The following NIBAN3 variants were observed in gnomAD, a reference collection of about 807,000 sequenced individuals.
NIBAN3 encodes protein Niban 3.
NIBAN3 carries 66 observed loss-of-function variants against 76.4 expected under a neutral mutation model. The ratio of observed to expected loss-of-function variants is 0.86; its 90% CI spans 0.71 to 1.06. NIBAN3 has a LOEUF of 1.06. NIBAN3 is among the 50% of genes least tolerant of loss of function. NIBAN3 has a pLI of 0.00. For missense variants in NIBAN3, 808 were observed against 810.7 expected (o/e 1.00, Z 0.04); for synonymous variants, 360 against 355.2 (o/e 1.01, Z -0.15).
At chr19:17,549,944 G>A in intron 14 of NIBAN3, 1 of 353,192 alleles carries the variant, frequency 2.8e-6, no homozygotes, top group Non-Finnish European at 5.1e-6. Flanking sequence ...AGCCTCCCGA[G>A]TAGCTGGGAC....
chr19:17,539,395 C>G lies in NIBAN3; in HGVS notation c.760C>G (p.Gln254Glu). The G allele has an allele frequency of 1.3e-6, 2 of 1,538,968 alleles. No homozygotes were observed. The highest frequency in any genetic ancestry group is 2.0e-5 in the Admixed American group (1 of 50,536). ...MREQLPALRA[Q>E]TLPGLRGAGR... Reference sequence around the variant, plus strand: ...GGAGCAACTTCCCGCGCTGCGAGCCCAGACCCTTCCTGGCCTGCGGGGGGC... The same window carrying G: ...GGAGCAACTTCCCGCGCTGCGAGCCGAGACCCTTCCTGGCCTGCGGGGGGC... The change falls in exon 7 of 15, where the codon CAG becomes GAG. Residue 254 changes from glutamine (Q) to glutamate (E), a missense_variant. Coordinates refer to ENST00000599164, the MANE Select transcript of NIBAN3 (RefSeq NM_001321827.2).
Position 17,539,148 on chromosome 19 carries a change from A to T in NIBAN3, c.596-2A>T. 1 of 1,580,170 alleles carries T rather than the reference A, an allele frequency of 6.3e-7. No homozygotes were observed. Among genetic ancestry groups the T allele is most frequent in the Non-Finnish European group, 8.6e-7 (1 of 1,163,668 alleles). On this transcript the variant is annotated splice_acceptor_variant, in intron 5 of 14. Transcript: ENST00000599164. LOFTEE classifies it high-confidence loss of function. ...CAGGCACTGAGGAGCAGCCCCTCTCAGTCCTGCAGCGAAGCCAGGCCCCTG... is the reference window on the plus strand; with the variant it reads ...CAGGCACTGAGGAGCAGCCCCTCTCTGTCCTGCAGCGAAGCCAGGCCCCTG...
At position 17,530,661 on chromosome 19, in the gene NIBAN3, C is replaced by T. The variant is rs2075703465; in HGVS notation, c.56-94C>T. The T allele has an allele frequency of 6.5e-6, 8 of 1,236,600 alleles. No individual in the cohort carries two copies. The South Asian group carries it at 9.6e-5, about 15-fold the overall frequency. The allele number at this position is 1,236,600 out of a possible 1,614,324, so 76.6% of individuals were successfully genotyped here. ...TGGAAGCTCAGGATGACTACAGGAGCCCCCAGGTGGCTTCCCTGTCTGTTT... is the reference window on the plus strand; with the variant it reads ...TGGAAGCTCAGGATGACTACAGGAGTCCCCAGGTGGCTTCCCTGTCTGTTT... On this transcript the variant is annotated intron_variant, in intron 1 of 14. Transcript: ENST00000599164.
intron 14 of NIBAN3, among the ~76,000 whole-genome samples, chr19:17,550,810 C>T (rs1423833582): frequency 1.3e-5 from 2 of 149,288 alleles, no homozygotes; most frequent in East Asian, 4.0e-4. Context: ...TCCATACTAA[C>T]AGCCAATGCC....
intron 8 of NIBAN3, 33 bp from the exon 9 acceptor site, chr19:17,540,347 GGCACCTTGCGGA>G: frequency 7.3e-7 from 1 of 1,372,698 alleles, no homozygotes; most frequent in Non-Finnish European, 9.6e-7. Flanking sequence ...CCATCTGTGA[GGCACCTTGCGGA>G]GGGGACTCCA....
At chr19:17,535,422 C>T (rs1357029237) in intron 4 of NIBAN3, among the ~76,000 whole-genome samples, 1 of 152,000 alleles carries the variant, frequency 6.6e-6, no homozygotes, top group African/African-American at 2.4e-5. Context: ...CTCCAGCAGC[C>T]TGGGCAACAG....
rs2076057381 is a variant in NIBAN3 at position 17,546,497 on chromosome 19, G to A, written c.1555-189G>A. On this transcript the variant is annotated intron_variant, in intron 12 of 14. Coordinates refer to ENST00000599164, the MANE Select transcript of NIBAN3 (RefSeq NM_001321827.2). ...ACCAAAGTGCTGGGATTACAGGCAT[G>A]AGCCACCGCACCCGGCCTGTTTATT... 5 of 1,099,988 alleles carry A rather than the reference G, an allele frequency of 4.5e-6. No homozygotes were observed. In the African/African-American group the frequency reaches 6.6e-5, roughly 15 times the overall value. The allele number at this position is 1,099,988 out of a possible 1,614,324, so 68.1% of individuals were successfully genotyped here. A position where few individuals can be genotyped will look rare whatever the true frequency, so the allele number is the denominator to read the frequency against.
Position 17,542,421 on chromosome 19 carries a change from G to C in NIBAN3, c.1329+127G>C. ...TCCGCGGGGCTGCCAGTCTCATGGG[G>C]ACATGAGCCCGTGACCAGGCAGCAG... On this transcript the variant is annotated intron_variant, in intron 10 of 14. Coordinates refer to ENST00000599164, the MANE Select transcript of NIBAN3 (RefSeq NM_001321827.2). This position sits in a 1 kb window ranked among gnomAD's most constrained non-coding sequence, Gnocchi z 4.8. 9.6e-7 allele frequency: 1 copy of C among 1,042,868 alleles called. No individual in the cohort carries two copies. The highest frequency in any genetic ancestry group is 1.4e-6 in the Non-Finnish European group (1 of 727,534). The allele number at this position is 1,042,868 out of a possible 1,614,324, so 64.6% of individuals were successfully genotyped here.
intron 3 of NIBAN3, among the ~76,000 whole-genome samples, chr19:17,532,975 A>G (rs2075757421): frequency 1.3e-5 from 2 of 152,036 alleles, no homozygotes. Context: ...AGAGGAGGAA[A>G]AAAAAAGGGA....
chr19:17,533,767 A>T (rs1453185672), intron 4 of NIBAN3, 66 bp downstream of exon 4: 1 of 1,242,734 alleles, frequency 8.0e-7, no homozygotes, highest in African/African-American at 1.5e-5. Context: ...GTGGGGCCAG[A>T]TCATTCTCTG....
upstream of NIBAN3, chr19:17,523,541 C>A: frequency 8.2e-7 from 1 of 1,224,636 alleles, no homozygotes; most frequent in Non-Finnish European, 1.2e-6. Flanking sequence ...CCCAGAGCGG[C>A]AGGCACGGGG....
At chr19:17,539,113 G>T in intron 5 of NIBAN3, 37 bp from the exon 6 acceptor site, 2 of 1,522,960 alleles carry the variant, frequency 1.3e-6, no homozygotes, top group Non-Finnish European at 1.8e-6. Flanking sequence ...CCAGGCAGGG[G>T]AGCTACCAGC....
chr19:17,524,426 C>T (rs143730973), upstream of NIBAN3, among the ~76,000 whole-genome samples: 1,458 of 148,170 alleles, frequency 9.8e-3, 25 homozygotes, highest in African/African-American at 0.035. Flanking sequence ...GCTAGGATTA[C>T]AGGCGCCCAC....
chr19:17,543,422 C>T lies in NIBAN3; in HGVS notation c.1435C>T (p.Arg479Cys), dbSNP rs373733258. The change falls in exon 11 of 15, where the codon CGC becomes TGC. Residue 479 changes from arginine (R) to cysteine (C), a missense_variant. By Grantham distance (180) the Arg-to-Cys change is radical (BLOSUM62 -3). Transcript: ENST00000599164. ...CCAGAGGCTGGAGAGAGTCAGGGGG[C>T]GCGTGCTGAAGGTGTGTTCTGTGGG... ...AAQRLERVRG[R>C]VLKKFKSDSG... is the part of the protein sequence containing the mutation. The T allele has an allele frequency of 2.5e-5, 41 of 1,612,794 alleles. No individual in the cohort carries two copies. The highest frequency in any genetic ancestry group is 3.3e-5 in the South Asian group (3 of 91,012).
chr19:17,527,188 G>A (rs2075619053), upstream of NIBAN3: 5 of 1,536,274 alleles, frequency 3.3e-6, no homozygotes, highest in Non-Finnish European at 8.8e-7. Context: ...GGGGAGTGGG[G>A]AGGACGCAGG....
intron 13 of NIBAN3, among the ~76,000 whole-genome samples, chr19:17,549,040 GCAT>G (rs1380234640): frequency 6.6e-6 from 1 of 152,050 alleles, no homozygotes; most frequent in Non-Finnish European, 1.5e-5. Flanking sequence ...GTGTCTGTGA[GCAT>G]CTAAACAAGA....
Position 17,539,136 on chromosome 19 carries a change from G to A in NIBAN3, c.596-14G>A. 1 of 1,564,238 alleles carries A rather than the reference G, an allele frequency of 6.4e-7. No individual in the cohort carries two copies. Among genetic ancestry groups the A allele is most frequent in the Non-Finnish European group, 8.7e-7 (1 of 1,154,880 alleles). ...GGGAGCTACCAGCAGGCACTGAGGA[G>A]CAGCCCCTCTCAGTCCTGCAGCGAA... is the stretch of plus-strand genomic sequence containing the variant. On this transcript the variant is annotated splice_polypyrimidine_tract_variant and intron_variant, in intron 5 of 14. Coordinates refer to ENST00000599164, the MANE Select transcript of NIBAN3 (RefSeq NM_001321827.2).
intron 4 of NIBAN3, 34 bp from the exon 5 acceptor site, chr19:17,537,342 C>A (rs540374834): frequency 6.2e-7 from 1 of 1,601,362 alleles, no homozygotes; most frequent in Admixed American, 1.7e-5. Context: ...AGTGAATGAA[C>A]GTCTAGAAGA....
chr19:17,541,817 G>A (rs2075958315), intron 9 of NIBAN3, among the ~76,000 whole-genome samples: 2 of 151,986 alleles, frequency 1.3e-5, no homozygotes, highest in Non-Finnish European at 2.9e-5. Flanking sequence ...CCAAGTAGCT[G>A]GGAGTACAGG....
Sources: gnomAD v4.1 joint callset for allele counts (sites outside exome capture counted in the v4.1 genomes callset) on GRCh38, gnomAD v4.1.1 for gene constraint, Gnocchi (gnomAD v3.1) non-coding constraint, MANE v1.5 for transcripts, NCBI Gene and HGNC (gene_info 2026-07-23, HGNC 2026-07-21) for gene names.